The following ZNF827 variants were observed in gnomAD, a reference collection of about 807,000 sequenced individuals.
ZNF827 encodes the protein zinc finger protein 827.
A neutral mutation model predicts 102.4 loss-of-function variants in ZNF827; 13 were observed. That is an observed-to-expected ratio of 0.13 (90% CI 0.08 to 0.20). ZNF827 has a LOEUF of 0.20. Ranked by LOEUF, ZNF827 falls within the 10% of genes least tolerant of loss-of-function variation. The pLI is 1.00. For missense variants in ZNF827, 1,103 were observed against 1,344.4 expected, an observed-to-expected ratio of 0.82 and a Z score of 2.81; for synonymous variants, 523 against 536.2, an observed-to-expected ratio of 0.98 and a Z score of 0.34.
intron 8 of ZNF827, among the ~76,000 whole-genome samples, chr4:145,803,032 T>C (rs1476500184): frequency 2.6e-5 from 4 of 152,162 alleles, no homozygotes; most frequent in African/African-American, 9.7e-5. Context: ...TGTAACTATC[T>C]ATCCTCTCTT....
intron 9 of ZNF827, among the ~76,000 whole-genome samples, chr4:145,778,435 C>A (rs948027014): frequency 2.6e-5 from 4 of 152,082 alleles, no homozygotes; most frequent in Non-Finnish European, 5.9e-5. Flanking sequence ...CGCCCGACAA[C>A]AAAAACCTTT....
chr4:145,878,592 CAGGACAGGACAGGAAAGGAAAGGAA>C (rs1749365237), intron 4 of ZNF827, among the ~76,000 whole-genome samples: 1 of 120,072 alleles, frequency 8.3e-6, no homozygotes, highest in Non-Finnish European at 1.7e-5. Flanking sequence ...CAGGACAGGA[CAGGACAGGACAGGAAAGGAAAGGAA>C]AGGAAAGGAA....
chr4:145,834,861 C>T (rs1198751012), intron 7 of ZNF827: 1 of 152,182 alleles, frequency 6.6e-6, no homozygotes, highest in Non-Finnish European at 1.5e-5. Context: ...TAATTAACCT[C>T]GCCTTCAAGG....
At chr4:145,806,037 G>C (rs911843048) in intron 8 of ZNF827, among the ~76,000 whole-genome samples, 6 of 151,870 alleles carry the variant, frequency 4.0e-5, no homozygotes, top group African/African-American at 1.5e-4. Context: ...TCCCCCTCTA[G>C]GGTGTATACT....
intron 7 of ZNF827, chr4:145,830,808 A>G (rs1408260930): frequency 6.6e-6 from 1 of 152,238 alleles, no homozygotes; most frequent in Non-Finnish European, 1.5e-5. Context: ...TGTGAAATAT[A>G]GAAGAAAACC....
At chr4:145,861,235 G>A (rs1747701067) in intron 5 of ZNF827, among the ~76,000 whole-genome samples, 1 of 152,198 alleles carries the variant, frequency 6.6e-6, no homozygotes, top group African/African-American at 2.4e-5. Context: ...AACCACTGTG[G>A]AATGAGAATG....
intron 3 of ZNF827, among the ~76,000 whole-genome samples, chr4:145,889,902 C>A (rs565979800): frequency 6.6e-6 from 1 of 150,926 alleles, no homozygotes; most frequent in Non-Finnish European, 1.5e-5. Flanking sequence ...GCTTAGAGCC[C>A]GGAGGCGGAG....
At chr4:145,812,010 G>A (rs1742065201) in intron 8 of ZNF827, among the ~76,000 whole-genome samples, 1 of 151,974 alleles carries the variant, frequency 6.6e-6, no homozygotes, top group Non-Finnish European at 1.5e-5. Flanking sequence ...CACCTCCTGG[G>A]TTCAAGCGAT....
At chr4:145,935,325 T>C (rs1754080055) in intron 1 of ZNF827, among the ~76,000 whole-genome samples, 1 of 152,162 alleles carries the variant, frequency 6.6e-6, no homozygotes, top group Admixed American at 6.5e-5. Flanking sequence ...TAACACTAAT[T>C]TTTCCCAAAG....
intron 1 of ZNF827, among the ~76,000 whole-genome samples, chr4:145,927,172 G>A (rs189322900): frequency 1.3e-5 from 2 of 152,046 alleles, no homozygotes; most frequent in African/African-American, 2.4e-5. Flanking sequence ...TAACAAGTAC[G>A]GCCAAACAAG....
intron 5 of ZNF827, among the ~76,000 whole-genome samples, chr4:145,866,450 A>G (rs995242529): frequency 6.6e-6 from 1 of 152,224 alleles, no homozygotes; most frequent in Non-Finnish European, 1.5e-5. Flanking sequence ...ATTCCTATAC[A>G]AGAAGCAATT....
At chr4:145,875,246 A>G (rs963071928) in intron 4 of ZNF827, among the ~76,000 whole-genome samples, 10 of 152,198 alleles carry the variant, frequency 6.6e-5, no homozygotes, top group African/African-American at 2.2e-4. Context: ...ACCTTCCATC[A>G]ATCACAGGAG....
rs367596259 is a variant in ZNF827, at chr4:145,885,662, A to C, written c.1747+16T>G. On this transcript the variant is annotated intron_variant, in intron 4 of 14. Transcript: ENST00000508784. ...AGAGAGAGAGAGAGAGAGAGAATAC[A>C]ACCCTATTCAAGTACCTGACAGCTT... The C allele has an allele frequency of 4.0e-6, 6 of 1,508,216 alleles. No individual in the cohort carries two copies. The African/African-American group carries it at 7.1e-5, about 18-fold the overall frequency. The allele number at this position is 1,508,216 out of a possible 1,614,324, so 93.4% of individuals were successfully genotyped here. A position where few individuals can be genotyped will look rare whatever the true frequency, so the allele number is the denominator to read the frequency against.
At chr4:145,924,927 T>A (rs1753321028) in intron 1 of ZNF827, among the ~76,000 whole-genome samples, 1 of 152,206 alleles carries the variant, frequency 6.6e-6, no homozygotes, top group South Asian at 2.1e-4. Flanking sequence ...ATTAGTCTGT[T>A]ACACACACTG....
Position 145,823,735 on chromosome 4 carries a change from G to A in ZNF827, c.2280-210C>T, listed in dbSNP as rs534122108. Among the ~76,000 whole-genome samples the A allele has an allele frequency of 5.6e-4, 86 of 152,278 alleles. 1 individual carries two copies. In the South Asian group the frequency reaches 0.017, roughly 31 times the overall value. Reference sequence around the variant, plus strand: ...TGCCAGCTGTACCTTCTGCCTATGGGTTTTATATTTGGGGGGAATAAATGA... The same window carrying A: ...TGCCAGCTGTACCTTCTGCCTATGGATTTTATATTTGGGGGGAATAAATGA... On this transcript the variant is annotated intron_variant, in intron 7 of 14. Coordinates refer to ENST00000508784, the MANE Select transcript of ZNF827 (RefSeq NM_001306215.2).
Position 145,823,465 on chromosome 4 carries a change from C to A in ZNF827, c.2340G>T (p.Leu780=), listed in dbSNP as rs151056911. Residue 780 remains leucine (L), a synonymous_variant, in exon 8 of 15, where the codon CTG becomes CTT. Coordinates refer to ENST00000508784, the MANE Select transcript of ZNF827 (RefSeq NM_001306215.2). ...QSPFTSNSKE[L]LPSDSVLHGR... Reference sequence around the variant, plus strand: ...CGTGCAGCACGGAGTCACTGGGCAGCAGTTCTTTTGAATTGGAGGTGAATG... The same window carrying A: ...CGTGCAGCACGGAGTCACTGGGCAGAAGTTCTTTTGAATTGGAGGTGAATG... The A allele has an allele frequency of 1.0e-5, 16 of 1,607,384 alleles. No individual in the cohort carries two copies. Among genetic ancestry groups the A allele is most frequent in the Non-Finnish European group, 1.3e-5 (15 of 1,177,988 alleles).
rs183630258 is a variant in ZNF827, at chr4:145,877,176, T to C, written c.1748-6698A>G. Among the ~76,000 whole-genome samples the C allele has an allele frequency of 5.1e-4, 78 of 152,370 alleles. 1 individual carries two copies. The highest frequency in any genetic ancestry group is 1.8e-3 in the African/African-American group (75 of 41,594). On this transcript the variant is annotated intron_variant, in intron 4 of 14. Transcript: ENST00000508784. ...AAGAACACATAGGCTCAGAGGATTA[T>C]ACGATCTTTTGAAAATCACATAGCT...
intron 4 of ZNF827, among the ~76,000 whole-genome samples, chr4:145,873,652 A>G (rs962784819): frequency 8.5e-5 from 13 of 152,248 alleles, no homozygotes; most frequent in African/African-American, 2.7e-4. Context: ...ATAATGGTCT[A>G]CAGAGCAATC....
In ZNF827 at chr4:145,765,708, T is replaced by C. The variant is rs973967709; in HGVS notation, c.2891A>G (p.Asn964Ser). The C allele has an allele frequency of 6.2e-7, 1 of 1,614,122 alleles. No individual in the cohort carries two copies. The highest frequency in any genetic ancestry group is 8.5e-7 in the Non-Finnish European group (1 of 1,179,994). The change falls in exon 12 of 15, where the codon AAT becomes AGT. Residue 964 changes from asparagine (N) to serine (S), a missense_variant. Around this residue, in one of 5 missense-constraint regions of ZNF827, gnomAD observed 242 missense variants for 361.9 expected, o/e 0.67. Coordinates refer to ENST00000508784, the MANE Select transcript of ZNF827 (RefSeq NM_001306215.2). The surrounding 1 kb of genome is among the most constrained non-coding windows in gnomAD (Gnocchi z 4.7). ...TGAGAGGGAGGATGAAGAGGGGCTA[T>C]TTGATTCGCTGGGGGTCTTCCTGTC... Reference protein sequence around the residue: ...GEDRKTPSESNSPSSSSLSAL... With the variant: ...GEDRKTPSESSSPSSSSLSAL...
Sources: allele counts gnomAD v4.1 joint callset (sites outside exome capture counted in the v4.1 genomes callset), GRCh38; gene constraint gnomAD v4.1.1; regional missense constraint gnomAD v4.1.1; non-coding constraint Gnocchi (gnomAD v3.1); transcripts MANE v1.5; gene names NCBI Gene and HGNC (gene_info 2026-07-23, HGNC 2026-07-21).